ARHGAP25: variants seen among roughly 807,000 people sequenced by gnomAD.
The protein encoded by ARHGAP25 is Rho GTPase activating protein 25, also known as rho GTPase-activating protein 25.
Under a neutral mutation model 71.0 loss-of-function variants are expected in ARHGAP25, and 34 were observed. That is an observed-to-expected ratio of 0.48 (90% CI 0.36 to 0.64). The LOEUF (loss-of-function observed/expected upper bound fraction) is 0.64, where lower values mean the gene tolerates loss of function less well. ARHGAP25 is among the 30% of genes least tolerant of loss of function. The pLI is 0.00. For missense variants in ARHGAP25, 706 were observed against 805.1 expected (o/e 0.88, Z 1.49); for synonymous variants, 282 against 296.5 (o/e 0.95, Z 0.50).
chr2:68,711,998 A>G (rs1674493461), intron 2 of ARHGAP25, among the ~76,000 whole-genome samples: 1 of 152,216 alleles, frequency 6.6e-6, no homozygotes, highest in African/African-American at 2.4e-5. Flanking sequence ...TCTTTATAGT[A>G]GAATGATTTA....
At chr2:68,715,527 C>G (rs976086645) in intron 2 of ARHGAP25, among the ~76,000 whole-genome samples, 14 of 152,110 alleles carry the variant, frequency 9.2e-5, no homozygotes, top group Non-Finnish European at 2.9e-5. Context: ...GGGAGGCGGT[C>G]GTGCTCTTGA....
intron 2 of ARHGAP25, among the ~76,000 whole-genome samples, chr2:68,726,512 G>A (rs1221677341): frequency 6.6e-6 from 1 of 152,160 alleles, no homozygotes; most frequent in African/African-American, 2.4e-5. Context: ...CCCTTCCTGA[G>A]CCCATCATTC....
chr2:68,748,794 G>A (rs769787898), intron 1 of ARHGAP25, among the ~76,000 whole-genome samples: 36 of 152,166 alleles, frequency 2.4e-4, no homozygotes, highest in Non-Finnish European at 3.8e-4. Flanking sequence ...AGGGCGGTCA[G>A]GTCTTAAGTC....
chr2:68,735,497 G>T (rs1253265953), intron 1 of ARHGAP25: 2 of 588,780 alleles, frequency 3.4e-6, no homozygotes, highest in Non-Finnish European at 6.0e-6. Flanking sequence ...GCAGGATCTG[G>T]GGTACTTCGG....
At chr2:68,823,723 A>G (rs1406964070) in intron 10 of ARHGAP25, among the ~76,000 whole-genome samples, 1 of 152,182 alleles carries the variant, frequency 6.6e-6, no homozygotes, top group Non-Finnish European at 1.5e-5. Context: ...AACCTGGTTT[A>G]TGCTTCATTG....
At chr2:68,785,443 TG>T (rs1678686088) in intron 3 of ARHGAP25, among the ~76,000 whole-genome samples, 1 of 152,100 alleles carries the variant, frequency 6.6e-6, no homozygotes, top group South Asian at 2.1e-4. Flanking sequence ...ATGAATTGGA[TG>T]TGGGAAAAAG....
At chr2:68,809,307 T>C (rs1356140796) in intron 5 of ARHGAP25, among the ~76,000 whole-genome samples, 3 of 152,054 alleles carry the variant, frequency 2.0e-5, no homozygotes, top group African/African-American at 4.8e-5. Flanking sequence ...GAATGCCGGA[T>C]GCATAGGGTA....
chr2:68,796,985 A>T (rs1238290905), intron 4 of ARHGAP25, among the ~76,000 whole-genome samples: 2 of 152,184 alleles, frequency 1.3e-5, no homozygotes, highest in Non-Finnish European at 2.9e-5. Context: ...CCAGGCTAGT[A>T]GATGGTGCTT....
intron 2 of ARHGAP25, among the ~76,000 whole-genome samples, chr2:68,723,755 C>T (rs1213743884): frequency 6.6e-6 from 1 of 152,158 alleles, no homozygotes; most frequent in Non-Finnish European, 1.5e-5. Flanking sequence ...CAGAAGGGGT[C>T]AACCAGGCCC....
upstream of ARHGAP25, among the ~76,000 whole-genome samples, chr2:68,730,866 C>T (rs1675005377): frequency 6.6e-6 from 1 of 152,098 alleles, no homozygotes; most frequent in Non-Finnish European, 1.5e-5. Flanking sequence ...TCCTCTCACT[C>T]CCCCACCTGG....
chr2:68,775,071 T>C (rs935993871), intron 1 of ARHGAP25, 150 bp from the exon 2 acceptor site: 2 of 1,535,734 alleles, frequency 1.3e-6, no homozygotes, highest in Non-Finnish European at 1.7e-6. Context: ...GGGGGGACTT[T>C]CTCTGGCTCA....
At chr2:68,732,438 G>A (rs530406141), upstream of ARHGAP25, among the ~76,000 whole-genome samples, 126 of 152,178 alleles carry the variant, frequency 8.3e-4, no homozygotes, top group Non-Finnish European at 1.5e-3. Context: ...CTGCTGGGCC[G>A]GGCCAGACAG....
chr2:68,792,542 T>G (rs918511004), intron 4 of ARHGAP25, among the ~76,000 whole-genome samples: 1 of 152,224 alleles, frequency 6.6e-6, no homozygotes. Context: ...CACTTAAAAA[T>G]GGCTTCTAGT....
intron 3 of ARHGAP25, among the ~76,000 whole-genome samples, chr2:68,785,707 T>G (rs74411026): frequency 4.6e-5 from 7 of 151,924 alleles, no homozygotes; most frequent in Non-Finnish European, 8.8e-5. Flanking sequence ...CAACTTGGAG[T>G]AGGGGGAAGA....
At chr2:68,753,904 A>T (rs1273592139) in intron 1 of ARHGAP25, among the ~76,000 whole-genome samples, 3 of 141,416 alleles carry the variant, frequency 2.1e-5, no homozygotes, top group Non-Finnish European at 4.6e-5. Context: ...GGTAAGATGT[A>T]TTTTTTTTTT....
intron 1 of ARHGAP25, among the ~76,000 whole-genome samples, chr2:68,753,641 C>T (rs1301996195): frequency 6.6e-6 from 1 of 152,172 alleles, no homozygotes; most frequent in Non-Finnish European, 1.5e-5. Flanking sequence ...ACTCCCGGAT[C>T]ACTGGGGTAG....
chr2:68,716,764 C>T (rs566804054), intron 2 of ARHGAP25, among the ~76,000 whole-genome samples: 3 of 152,314 alleles, frequency 2.0e-5, no homozygotes, highest in African/African-American at 4.8e-5. Flanking sequence ...CTCAGATAGG[C>T]GTCCTTATTC....
intron 5 of ARHGAP25, among the ~76,000 whole-genome samples, chr2:68,808,074 A>G (rs117869240): frequency 6.6e-6 from 1 of 152,060 alleles, no homozygotes; most frequent in African/African-American, 2.4e-5. Flanking sequence ...GGGGCATATC[A>G]GGCATAGTGA....
At chr2:68,732,787 G>A (rs1558602419), upstream of ARHGAP25, among the ~76,000 whole-genome samples, 2 of 152,224 alleles carry the variant, frequency 1.3e-5, no homozygotes, top group South Asian at 2.1e-4. Flanking sequence ...GCGCAGAGGC[G>A]TTAAATGCGC....
Sources: allele counts gnomAD v4.1 joint callset (sites outside exome capture counted in the v4.1 genomes callset), GRCh38; gene constraint gnomAD v4.1.1; transcripts MANE v1.5; gene names NCBI Gene and HGNC (gene_info 2026-07-23, HGNC 2026-07-21).